CRAMP1: variants seen among roughly 807,000 people sequenced by gnomAD.
The protein encoded by CRAMP1 is cramped chromatin regulator 1.
CRAMP1 carries 50 observed loss-of-function variants against 115.4 expected under a neutral mutation model. That is an observed-to-expected ratio of 0.43 (90% CI 0.35 to 0.55). The LOEUF is 0.55. CRAMP1 is among the 20% of genes least tolerant of loss of function. CRAMP1 has a pLI of 0.01. For synonymous variants in CRAMP1, 866 were observed against 745.4 expected, an observed-to-expected ratio of 1.16 and a Z score of -2.64; for missense variants, 1,679 against 1,721.7, an observed-to-expected ratio of 0.98 and a Z score of 0.44.
rs766621775 is a variant in CRAMP1 at position 1,673,976 on chromosome 16, G to A, written c.3741G>A (p.Glu1247=). 1 of 1,613,048 alleles carries A rather than the reference G, an allele frequency of 6.2e-7. No individual in the cohort carries two copies. Among genetic ancestry groups the A allele is most frequent in the Non-Finnish European group, 8.5e-7 (1 of 1,179,906 alleles). ...NDLAQELSIA[E]PGRREALFDG... ...TGGCCCAAGAGCTGTCCATCGCTGA[G>A]CCTGGCCGCCGAGAAGCTCTGTTTG... Residue 1247 remains glutamate, a synonymous_variant, in exon 21 of 21, where the codon GAG becomes GAA. Coordinates refer to ENST00000397412, the MANE Select transcript of CRAMP1 (RefSeq NM_020825.4).
chr16:1,670,581 G>A, intron 19 of CRAMP1, 83 bp from the exon 20 acceptor site: 3 of 1,489,790 alleles, frequency 2.0e-6, no homozygotes, highest in Non-Finnish European at 2.8e-6. Flanking sequence ...TGGGCTGGCT[G>A]CCCCCAGCCT....
In CRAMP1 at chr16:1,666,195, T is replaced by C. The variant is rs1220849381; in HGVS notation, c.2857+18T>C. 1 of 1,541,666 alleles carries C rather than the reference T, an allele frequency of 6.5e-7. No individual in the cohort carries two copies. Among genetic ancestry groups the C allele is most frequent in the Non-Finnish European group, 8.9e-7 (1 of 1,122,502 alleles). On this transcript the variant is annotated intron_variant, in intron 15 of 20. Transcript: ENST00000397412. The surrounding 1 kb of genome is among the most constrained non-coding windows in gnomAD (Gnocchi z 5.0). ...CCTGGCCAGTAAGTCTGTACCTGCA[T>C]GGCCACAGCCACTGAGTGAGCCTCT... is the stretch of plus-strand genomic sequence containing the variant.
chr16:1,665,061 C>T lies in CRAMP1; in HGVS notation c.2675C>T (p.Thr892Ile). ...TGTTGACCATTTTCCCCACAGAGAA[C>T]ACTGCTCCCTAGACCATCGGAAAAC... ...HLRKPLVVQR[T>I]LLPRPSENQS... The change falls in exon 14 of 21, where the codon ACA becomes ATA. Residue 892 changes from threonine to isoleucine, a missense_variant. Coordinates refer to ENST00000397412, the MANE Select transcript of CRAMP1 (RefSeq NM_020825.4). 6.2e-7 allele frequency: 1 copy of T among 1,608,648 alleles called. No homozygotes were observed. Among genetic ancestry groups the T allele is most frequent in the Non-Finnish European group, 8.5e-7 (1 of 1,175,046 alleles).
At chr16:1,646,264 G>A (rs941663797) in intron 6 of CRAMP1, among the ~76,000 whole-genome samples, 3 of 152,120 alleles carry the variant, frequency 2.0e-5, no homozygotes, top group Admixed American at 6.6e-5. Flanking sequence ...CGTGGTTTTC[G>A]GTCCCCAGGA....
Position 1,666,685 on chromosome 16 carries a change from C to A in CRAMP1, c.3036+85C>A, listed in dbSNP as rs1344285171. Reference sequence around the variant, plus strand: ...GCCATGGGGCTGAGATCACGCTGGACTCCAGCTCTGCCTTTGGAGGAGAGT... The same window carrying A: ...GCCATGGGGCTGAGATCACGCTGGAATCCAGCTCTGCCTTTGGAGGAGAGT... On this transcript the variant is annotated intron_variant, in intron 16 of 20. Transcript: ENST00000397412. The surrounding 1 kb of genome is among the most constrained non-coding windows in gnomAD (Gnocchi z 5.0). 2 of 1,268,572 alleles carry A rather than the reference C, an allele frequency of 1.6e-6. No homozygotes were observed. Among genetic ancestry groups the A allele is most frequent in the Non-Finnish European group, 2.3e-6 (2 of 886,456 alleles). 78.6% of individuals were successfully genotyped at this position (1,268,572 alleles called of 1,614,324 possible).
chr16:1,662,470 T>G lies in CRAMP1; in HGVS notation c.2414-20T>G, dbSNP rs772702474. The stretch of plus-strand genomic sequence containing the variant: ...GCTAGGTGAATGCTGTCACACTGAT[T>G]CTCTCCTCTCCTCTCCCAGGTTTGA... On this transcript the variant is annotated intron_variant, in intron 11 of 20. Transcript: ENST00000397412. The G allele has an allele frequency of 6.2e-7, 1 of 1,601,326 alleles. No individual in the cohort carries two copies. Among genetic ancestry groups the G allele is most frequent in the South Asian group, 1.1e-5 (1 of 90,724 alleles).
chr16:1,649,940 C>G (rs1249279593), intron 6 of CRAMP1, among the ~76,000 whole-genome samples: 1 of 152,020 alleles, frequency 6.6e-6, no homozygotes, highest in Non-Finnish European at 1.5e-5. Flanking sequence ...AGTACAGGTG[C>G]ATGCCACCAT....
intron 6 of CRAMP1, among the ~76,000 whole-genome samples, chr16:1,648,876 G>A (rs1216679071): frequency 6.6e-6 from 1 of 152,010 alleles, no homozygotes; most frequent in Non-Finnish European, 1.5e-5. Context: ...GGCTAACGTG[G>A]TGAAACCCTG....
intron 6 of CRAMP1, among the ~76,000 whole-genome samples, chr16:1,648,663 C>G (rs1041665443): frequency 1.3e-5 from 2 of 152,178 alleles, no homozygotes; most frequent in Admixed American, 1.3e-4. Context: ...CAATGTTTCC[C>G]CTGGTTCCTT....
chr16:1,654,208 T>A (rs562573330), intron 8 of CRAMP1, among the ~76,000 whole-genome samples: 51 of 151,884 alleles, frequency 3.4e-4, no homozygotes, highest in Non-Finnish European at 6.8e-4. Context: ...AGCCTTTTTT[T>A]ATTTTTTCTT....
intron 11 of CRAMP1, among the ~76,000 whole-genome samples, chr16:1,660,617 C>T (rs994836495): frequency 6.6e-6 from 1 of 152,192 alleles, no homozygotes; most frequent in Non-Finnish European, 1.5e-5. Flanking sequence ...TGAACAGTTT[C>T]CCGAGGCATC....
intron 6 of CRAMP1, among the ~76,000 whole-genome samples, chr16:1,644,588 G>A (rs887887005): frequency 6.6e-6 from 1 of 152,204 alleles, no homozygotes; most frequent in East Asian, 1.9e-4. Context: ...GGGCGTTTAG[G>A]GAAGCGATCA....
At chr16:1,613,899 C>T (rs1228801103) in intron 1 of CRAMP1, among the ~76,000 whole-genome samples, 3 of 152,264 alleles carry the variant, frequency 2.0e-5, no homozygotes, top group East Asian at 1.9e-4. Flanking sequence ...AAGAAGATTC[C>T]CAGAGACCCG....
chr16:1,653,537 A>G (rs1296209005), intron 8 of CRAMP1, among the ~76,000 whole-genome samples: 3 of 152,210 alleles, frequency 2.0e-5, no homozygotes, highest in Admixed American at 1.3e-4. Context: ...GTACATTTTA[A>G]AAAATGAGGT....
At chr16:1,660,329 G>T (rs748830206) in intron 11 of CRAMP1, among the ~76,000 whole-genome samples, 4 of 152,204 alleles carry the variant, frequency 2.6e-5, no homozygotes, top group African/African-American at 2.4e-5. Context: ...GGTGACTTTG[G>T]GGTCTGCTTC....
chr16:1,667,302 C>G, intron 16 of CRAMP1, 33 bp from the exon 17 acceptor site: 1 of 1,601,538 alleles, frequency 6.2e-7, no homozygotes, highest in South Asian at 1.1e-5. Context: ...CTGGTGCACC[C>G]TGCGGCTGCT....
intron 2 of CRAMP1, among the ~76,000 whole-genome samples, chr16:1,616,457 G>T (rs1211479780): frequency 6.6e-6 from 1 of 152,168 alleles, no homozygotes; most frequent in South Asian, 2.1e-4. Flanking sequence ...GTTGAAGTGC[G>T]GCTGCTAAAA....
rs200042492 is a variant in CRAMP1, at chr16:1,666,597, G to C, written c.3033G>C (p.Val1011=). Residue 1011 remains valine, a synonymous_variant, in exon 16 of 21, where the codon GTG becomes GTC. Coordinates refer to ENST00000397412, the MANE Select transcript of CRAMP1 (RefSeq NM_020825.4). The surrounding 1 kb of genome is among the most constrained non-coding windows in gnomAD (Gnocchi z 5.0). ...AGGATGGAGACACCCTCCCCACCGT[G>C]GGGGTGAGTATGTTTAGAAGGGCTT... is the stretch of plus-strand genomic sequence containing the variant. ...THQDGDTLPT[V]GGSDPFVSIP... 2,583 of 1,613,692 alleles carry C rather than the reference G, an allele frequency of 1.6e-3. 6 individuals carry two copies. Among genetic ancestry groups the C allele is most frequent in the Non-Finnish European group, 2.0e-3 (2,324 of 1,179,676 alleles).
chr16:1,653,010 T>C lies in CRAMP1; in HGVS notation c.914-23T>C, dbSNP rs12445657. 26,594 of 1,613,196 alleles carry C rather than the reference T, an allele frequency of 0.016. 2,502 individuals carry two copies. The Admixed American group carries it at 0.23, about 14-fold the overall frequency. On this transcript the variant is annotated intron_variant, in intron 7 of 20. Coordinates refer to ENST00000397412, the MANE Select transcript of CRAMP1 (RefSeq NM_020825.4). ...CCTTAAGGTTGGGCTGCACTAAACTTTCATGGTTCTTCTGCATTGCAGGCT... is the reference window on the plus strand; with the variant it reads ...CCTTAAGGTTGGGCTGCACTAAACTCTCATGGTTCTTCTGCATTGCAGGCT...
Sources: allele counts gnomAD v4.1 joint callset (sites outside exome capture counted in the v4.1 genomes callset), GRCh38; gene constraint gnomAD v4.1.1; non-coding constraint Gnocchi (gnomAD v3.1); transcripts MANE v1.5; gene names NCBI Gene and HGNC (gene_info 2026-07-23, HGNC 2026-07-21).